The following OR2L13 variants were observed in gnomAD, a reference collection of about 807,000 sequenced individuals.
OR2L13 encodes the protein olfactory receptor 2L13.
Under a neutral mutation model 15.3 loss-of-function variants are expected in OR2L13, and 14 were observed. The ratio of observed to expected loss-of-function variants is 0.91; its 90% CI spans 0.60 to 1.43. The LOEUF is 1.43. Among genes scored for constraint, OR2L13 ranks in the 40% most tolerant of loss-of-function variants. The pLI, the probability that OR2L13 is intolerant of heterozygous loss-of-function variation, is 0.00. For synonymous variants in OR2L13, 152 were observed against 142.9 expected, an observed-to-expected ratio of 1.06 and a Z score of -0.45; for missense variants, 367 against 387.9, an observed-to-expected ratio of 0.95 and a Z score of 0.45.
At chr1:248,060,905 C>A in the OR2L13 span, 1 of 1,613,806 alleles carries the variant, frequency 6.2e-7, no homozygotes, top group Non-Finnish European at 8.5e-7. Flanking sequence ...TACATCTCCA[C>A]CATTGTTCCT....
chr1:247,961,004 C>T, the OR2L13 span, among the ~76,000 whole-genome samples: 1 of 152,252 alleles, frequency 6.6e-6, no homozygotes. Context: ...GTTGGAAATG[C>T]AGAAATTACC....
the OR2L13 span, among the ~76,000 whole-genome samples, chr1:247,942,571 C>G: frequency 6.6e-6 from 1 of 151,914 alleles, no homozygotes; most frequent in Non-Finnish European, 1.5e-5. Flanking sequence ...ATTTGGTGTT[C>G]TAAATTTTCT....
At chr1:248,010,010 G>A in the OR2L13 span, among the ~76,000 whole-genome samples, 2 of 152,016 alleles carry the variant, frequency 1.3e-5, no homozygotes, top group African/African-American at 2.4e-5. Context: ...TTCACAGAAC[G>A]TATCTCAAAA....
At chr1:247,998,584 T>A in the OR2L13 span, among the ~76,000 whole-genome samples, 1 of 152,138 alleles carries the variant, frequency 6.6e-6, no homozygotes, top group South Asian at 2.1e-4. Flanking sequence ...AGTACTAGTG[T>A]TGTCTTTGCA....
At chr1:247,956,770 C>A in the OR2L13 span, among the ~76,000 whole-genome samples, 1 of 152,216 alleles carries the variant, frequency 6.6e-6, no homozygotes. Flanking sequence ...TAGAAGAATG[C>A]TTGTGATTTT....
At chr1:248,022,368 G>A in the OR2L13 span, 7 of 1,614,172 alleles carry the variant, frequency 4.3e-6, no homozygotes, top group Non-Finnish European at 5.9e-6. Context: ...AAGAATGTAT[G>A]TGCTGATGAT....
upstream of OR2L13, among the ~76,000 whole-genome samples, chr1:248,092,393 A>G (rs1410350638): frequency 6.6e-6 from 1 of 152,216 alleles, no homozygotes; most frequent in Non-Finnish European, 1.5e-5. Flanking sequence ...ACAACAAAAG[A>G]GAAATACATA....
the OR2L13 span, among the ~76,000 whole-genome samples, chr1:248,005,613 A>G: frequency 6.6e-6 from 1 of 152,258 alleles, no homozygotes; most frequent in Non-Finnish European, 1.5e-5. Context: ...TAGACATTGC[A>G]TTGAATCTGT....
At chr1:247,995,679 A>G in the OR2L13 span, among the ~76,000 whole-genome samples, 1 of 152,218 alleles carries the variant, frequency 6.6e-6, no homozygotes, top group Admixed American at 6.5e-5. Context: ...ATCTCAGTCA[A>G]TATTCATCGG....
chr1:247,938,559 A>G, the OR2L13 span, among the ~76,000 whole-genome samples: 1 of 152,194 alleles, frequency 6.6e-6, no homozygotes, highest in Non-Finnish European at 1.5e-5. Context: ...TGATAGGGCT[A>G]AAAAACATTT....
At chr1:247,994,125 G>A in the OR2L13 span, among the ~76,000 whole-genome samples, 6 of 152,156 alleles carry the variant, frequency 3.9e-5, no homozygotes, top group Non-Finnish European at 8.8e-5. Context: ...GGCCGGGCAC[G>A]GTAGCTCAAG....
At chr1:248,067,649 C>T in the OR2L13 span, among the ~76,000 whole-genome samples, 1 of 152,164 alleles carries the variant, frequency 6.6e-6, no homozygotes, top group African/African-American at 2.4e-5. Flanking sequence ...GGGCACAGGA[C>T]AGTGGGTGCA....
At chr1:247,960,729 A>T in the OR2L13 span, among the ~76,000 whole-genome samples, 34 of 152,190 alleles carry the variant, frequency 2.2e-4, no homozygotes, top group African/African-American at 7.7e-4. Context: ...TTGGCGTAGG[A>T]CCCTCTGAGC....
chr1:248,070,344 TG>T, the OR2L13 span, among the ~76,000 whole-genome samples: 2 of 151,808 alleles, frequency 1.3e-5, no homozygotes, highest in African/African-American at 4.8e-5. Context: ...CTCAACTACA[TG>T]GAAACTGAAC....
chr1:247,991,159 G>A, the OR2L13 span: 8 of 1,606,288 alleles, frequency 5.0e-6, no homozygotes, highest in Non-Finnish European at 6.0e-6. Context: ...GGAGGTGATG[G>A]GGGCCCTGAC....
chr1:247,970,229 A>G, the OR2L13 span, among the ~76,000 whole-genome samples: 1 of 152,162 alleles, frequency 6.6e-6, no homozygotes, highest in African/African-American at 2.4e-5. Flanking sequence ...AGTCTCTCAT[A>G]TACATTTTAT....
At chr1:248,060,883 A>C in the OR2L13 span, 13 of 1,613,742 alleles carry the variant, frequency 8.1e-6, no homozygotes, top group Non-Finnish European at 1.1e-5. Flanking sequence ...GCTCTCCCTC[A>C]TTGACCTAAA....
At chr1:247,983,055 T>A in the OR2L13 span, among the ~76,000 whole-genome samples, 1 of 152,304 alleles carries the variant, frequency 6.6e-6, no homozygotes. Context: ...AATATGTATA[T>A]GTGTATATCA....
At chr1:248,041,777 C>T in the OR2L13 span, 17 of 152,130 alleles carry the variant, frequency 1.1e-4, no homozygotes, top group African/African-American at 3.9e-4. Flanking sequence ...CGTTACTGGC[C>T]GTCAGAGAAA....
Sources: gnomAD v4.1 joint callset for allele counts (sites outside exome capture counted in the v4.1 genomes callset) on GRCh38, gnomAD v4.1.1 for gene constraint, MANE v1.5 for transcripts, NCBI Gene and HGNC (gene_info 2026-07-23, HGNC 2026-07-21) for gene names.